CD80: variants seen among roughly 807,000 people sequenced by gnomAD.
CD80 encodes the protein T-lymphocyte activation antigen CD80.
Under a neutral mutation model 27.1 loss-of-function variants are expected in CD80, and 13 were observed. The ratio of observed to expected loss-of-function variants is 0.48; its 90% CI spans 0.31 to 0.76. The LOEUF is 0.76. Ranked by LOEUF, CD80 falls within the 30% of genes least tolerant of loss-of-function variation. The pLI is 0.04. For synonymous variants in CD80, 125 were observed against 125.5 expected, an observed-to-expected ratio of 1.00 and a Z score of 0.03; for missense variants, 277 against 347.9, an observed-to-expected ratio of 0.80 and a Z score of 1.62.
At position 119,544,710 on chromosome 3, in the gene CD80, C is replaced by T; in HGVS notation, c.258G>A (p.Glu86=). The change falls in exon 3 of 7, where the codon GAG becomes GAA. Residue 86 remains glutamate, a synonymous_variant. Coordinates refer to ENST00000264246, the MANE Select transcript of CD80 (RefSeq NM_005191.4). ...MMSGDMNIWP[E]YKNRTIFDIT... is the part of the protein sequence containing the mutation. ...TATCAAAGATGGTCCGGTTCTTGTA[C>T]TCGGGCCATATATTCATGTCCCCAG... The T allele has an allele frequency of 6.2e-7, 1 of 1,614,198 alleles. No individual in the cohort carries two copies. The highest frequency in any genetic ancestry group is 8.5e-7 in the Non-Finnish European group (1 of 1,180,044).
chr3:119,555,982 T>C (rs996776224), intron 2 of CD80, among the ~76,000 whole-genome samples: 2 of 152,224 alleles, frequency 1.3e-5, no homozygotes, highest in African/African-American at 4.8e-5. Flanking sequence ...GCCCAGTCTG[T>C]TACCCACTTT....
chr3:119,544,605 A>T lies in CD80; in HGVS notation c.363T>A (p.Tyr121Ter). Residue 121 changes from tyrosine to a stop codon, truncating the protein, a stop_gained, in exon 3 of 7, where the codon TAT (tyrosine) becomes TAA (stop). Coordinates refer to ENST00000264246, the MANE Select transcript of CD80 (RefSeq NM_005191.4). LOFTEE classifies it high-confidence loss of function. ...GTTCCCGCTTGAAAGCGTCTTTTTC[A>T]TACTTCAGAACAACACACTCGTATG... ...EGTYECVVLK[Y>*]EKDAFKREHL... 6.2e-7 allele frequency: 1 copy of T among 1,614,174 alleles called. No individual in the cohort carries two copies. The highest frequency in any genetic ancestry group is 8.5e-7 in the Non-Finnish European group (1 of 1,180,022).
At chr3:119,530,911 T>C (rs2082106370) in intron 4 of CD80, among the ~76,000 whole-genome samples, 1 of 152,272 alleles carries the variant, frequency 6.6e-6, no homozygotes, top group African/African-American at 2.4e-5. Context: ...TACGACACAG[T>C]GCTCTCTCAC....
chr3:119,530,206 A>C (rs1163080126), intron 4 of CD80, among the ~76,000 whole-genome samples: 1 of 152,180 alleles, frequency 6.6e-6, no homozygotes, highest in Non-Finnish European at 1.5e-5. Context: ...ATTCTAAGGA[A>C]ATCTTTTACA....
intron 2 of CD80, among the ~76,000 whole-genome samples, chr3:119,556,170 C>T (rs2082263896): frequency 6.6e-6 from 1 of 152,194 alleles, no homozygotes; most frequent in Non-Finnish European, 1.5e-5. Context: ...GACTCAGTCA[C>T]AGCAGCAGTA....
intron 3 of CD80, among the ~76,000 whole-genome samples, chr3:119,538,151 A>G (rs558003976): frequency 6.6e-6 from 1 of 152,362 alleles, no homozygotes; most frequent in South Asian, 2.1e-4. Flanking sequence ...CAGTAATTTC[A>G]TATGATTTAA....
chr3:119,534,035 A>G (rs557170270), intron 4 of CD80, among the ~76,000 whole-genome samples: 20 of 152,294 alleles, frequency 1.3e-4, no homozygotes, highest in African/African-American at 4.8e-4. Flanking sequence ...TTAGCAAACT[A>G]TAGCACATGG....
At chr3:119,531,300 C>T (rs1170556331) in intron 4 of CD80, among the ~76,000 whole-genome samples, 1 of 152,248 alleles carries the variant, frequency 6.6e-6, no homozygotes, top group Non-Finnish European at 1.5e-5. Flanking sequence ...GAACATTTCT[C>T]AGCACCTCCA....
At chr3:119,559,002 A>G (rs1401912887) in intron 1 of CD80, among the ~76,000 whole-genome samples, 1 of 152,088 alleles carries the variant, frequency 6.6e-6, no homozygotes, top group African/African-American at 2.4e-5. Context: ...GCCATCATCC[A>G]TTTTAGACAG....
chr3:119,533,525 T>G (rs892362765), intron 4 of CD80, among the ~76,000 whole-genome samples: 1 of 151,954 alleles, frequency 6.6e-6, no homozygotes, highest in African/African-American at 2.4e-5. Flanking sequence ...AGGAACCCAG[T>G]GGGAGGTGAC....
chr3:119,556,512 A>G (rs2082265573), intron 2 of CD80, among the ~76,000 whole-genome samples: 1 of 123,744 alleles, frequency 8.1e-6, no homozygotes. Context: ...GTAACTGTCA[A>G]ATATATAAAA....
intron 2 of CD80, among the ~76,000 whole-genome samples, chr3:119,556,758 G>T (rs541413138): frequency 6.6e-5 from 10 of 152,098 alleles, no homozygotes; most frequent in Non-Finnish European, 1.3e-4. Context: ...TTGCAGACTG[G>T]CAAATCATGC....
Position 119,544,845 on chromosome 3 carries a change from T to G in CD80, c.123A>C (p.Glu41Asp), listed in dbSNP as rs1208402318. 5 of 1,613,950 alleles carry G rather than the reference T, an allele frequency of 3.1e-6. No individual in the cohort carries two copies. The highest frequency in any genetic ancestry group is 3.4e-6 in the Non-Finnish European group (4 of 1,179,948). ...FCSGVIHVTK[E>D]VKEVATLSCG... Reference sequence around the variant, plus strand: ...AGGACAGCGTTGCCACTTCTTTCACTTCCTTGGTCACGTGGATAACACCTA... The same window carrying G: ...AGGACAGCGTTGCCACTTCTTTCACGTCCTTGGTCACGTGGATAACACCTA... Residue 41 changes from glutamate (E) to aspartate (D), a missense_variant, in exon 3 of 7, where the codon GAA (glutamate) becomes GAC (aspartate). Coordinates refer to ENST00000264246, the MANE Select transcript of CD80 (RefSeq NM_005191.4).
In CD80 at chr3:119,525,610, AC is replaced by A. The variant is rs1236136662; in HGVS notation, c.*177del. The A allele has an allele frequency of 6.6e-6, 1 of 152,512 alleles. No homozygotes were observed. Among genetic ancestry groups the A allele is most frequent in the African/African-American group, 2.4e-5 (1 of 41,424 alleles). 9.4% of individuals were successfully genotyped at this position (152,512 alleles called of 1,614,324 possible). On this transcript the variant is annotated 3_prime_UTR_variant, in exon 7 of 7. Transcript: ENST00000264246. ...GGTCACCAGAGCTACTTCTGTGCCC[AC>A]CATATTCCTCTAGACACTTCCTGCA... is the stretch of plus-strand genomic sequence containing the variant.
intron 1 of CD80, 29 bp from the exon 2 acceptor site, chr3:119,557,957 A>G: frequency 2.9e-6 from 1 of 350,790 alleles, no homozygotes; most frequent in Non-Finnish European, 5.1e-6. Flanking sequence ...AAAGTCATTC[A>G]GGAAGGAAGG....
intron 6 of CD80, 131 bp from the exon 7 acceptor site, chr3:119,525,880 T>A (rs2082063095): frequency 7.5e-6 from 1 of 132,662 alleles, no homozygotes; most frequent in Non-Finnish European, 1.6e-5. Flanking sequence ...ATATATAATT[T>A]AATTATATAT....
At chr3:119,539,150 A>G (rs1419274037) in intron 3 of CD80, among the ~76,000 whole-genome samples, 1 of 152,222 alleles carries the variant, frequency 6.6e-6, no homozygotes, top group Non-Finnish European at 1.5e-5. Context: ...ATTTGAATTC[A>G]TTTGAATTTT....
chr3:119,559,272 C>T (rs1036681365), intron 1 of CD80, among the ~76,000 whole-genome samples, 168 bp downstream of exon 1: 18 of 152,124 alleles, frequency 1.2e-4, no homozygotes, highest in Non-Finnish European at 2.2e-4. Flanking sequence ...CCAAATATGT[C>T]GGGAAGCCAC....
At chr3:119,547,345 AG>A (rs143309548) in intron 2 of CD80, among the ~76,000 whole-genome samples, 2 of 152,212 alleles carry the variant, frequency 1.3e-5, no homozygotes, top group East Asian at 3.8e-4. Flanking sequence ...CCTTTCTCCA[AG>A]GGGGTGGGGA....
Sources: gnomAD v4.1 joint callset for allele counts (sites outside exome capture counted in the v4.1 genomes callset) on GRCh38, gnomAD v4.1.1 for gene constraint, MANE v1.5 for transcripts, NCBI Gene and HGNC (gene_info 2026-07-23, HGNC 2026-07-21) for gene names.